Variants in CEP128 observed in about 807,000 individuals in gnomAD.
CEP128 encodes the protein centrosomal protein 128.
Under a neutral mutation model 156.7 loss-of-function variants are expected in CEP128, and 132 were observed. The ratio of observed to expected loss-of-function variants is 0.84; its 90% CI spans 0.73 to 0.97. The LOEUF (loss-of-function observed/expected upper bound fraction) is 0.97. Among genes scored for constraint, CEP128 ranks in the 50% least tolerant of loss-of-function variants. The pLI, the probability that CEP128 is intolerant of heterozygous loss-of-function variation, is 0.00. For synonymous variants in CEP128, 469 were observed against 448.9 expected (o/e 1.04, Z -0.57); for missense variants, 1,252 against 1,281.9 (o/e 0.98, Z 0.36).
intron 19 of CEP128, among the ~76,000 whole-genome samples, chr14:80,695,624 G>C (rs1032943415): frequency 1.3e-5 from 2 of 151,710 alleles, no homozygotes; most frequent in African/African-American, 4.9e-5. Flanking sequence ...GGCTGAGGCA[G>C]GAGAATCGCT....
At chr14:80,486,499 G>C (rs575917281), downstream of CEP128, among the ~76,000 whole-genome samples, 859 of 151,788 alleles carry the variant, frequency 5.7e-3, 10 homozygotes, top group African/African-American at 0.02. Context: ...CCAACATTCA[G>C]ATTCAGGAAA....
At chr14:80,496,377 T>A (rs1887495540), downstream of CEP128, 2 of 152,590 alleles carry the variant, frequency 1.3e-5, no homozygotes, top group Admixed American at 1.3e-4. Context: ...TTCAGTACCA[T>A]CAAATATGGT....
intron 21 of CEP128, among the ~76,000 whole-genome samples, chr14:80,548,149 A>T (rs556758822): frequency 1.8e-3 from 273 of 152,238 alleles, no homozygotes; most frequent in African/African-American, 5.9e-3. Context: ...CATGAAAAAA[A>T]AATAATAATA....
At chr14:80,694,056 A>C (rs2139323235) in intron 19 of CEP128, among the ~76,000 whole-genome samples, 1 of 152,302 alleles carries the variant, frequency 6.6e-6, no homozygotes, top group Admixed American at 6.5e-5. Context: ...ACTTCATCCA[A>C]ATTTACAAGA....
intron 8 of CEP128, among the ~76,000 whole-genome samples, chr14:80,873,207 A>G (rs1888114139): frequency 6.6e-6 from 1 of 152,222 alleles, no homozygotes. Context: ...AATTACACCA[A>G]TGAGCTGGGC....
At chr14:80,687,887 G>GT (rs1359199962) in intron 19 of CEP128, among the ~76,000 whole-genome samples, 5 of 151,994 alleles carry the variant, frequency 3.3e-5, no homozygotes, top group Non-Finnish European at 7.4e-5. Context: ...ACATAAAAAC[G>GT]TATTAGATTT....
At chr14:80,625,720 C>T (rs1893685288) in intron 19 of CEP128, among the ~76,000 whole-genome samples, 1 of 151,094 alleles carries the variant, frequency 6.6e-6, no homozygotes, top group African/African-American at 2.4e-5. Flanking sequence ...CCTCTCCTTC[C>T]CCTTCCCCTT....
rs761853727 is a variant in CEP128 at position 80,792,962 on chromosome 14, T to A, written c.1358A>T (p.Asp453Val). The stretch of plus-strand genomic sequence containing the variant: ...GTACCGCTCAGCCTGCTTGGTTGCA[T>A]CCTCCGCATGGCGAGTCAGCTCTGA... ...QISELTRHAE[D>V]ATKQAERYLS... The change falls in exon 14 of 25, where the codon GAT becomes GTT. Residue 453 changes from aspartate (D) to valine (V), a missense_variant. Transcript: ENST00000555265. 6.2e-7 allele frequency: 1 copy of A among 1,614,184 alleles called. No homozygotes were observed. The highest frequency in any genetic ancestry group is 1.1e-5 in the South Asian group (1 of 91,088).
chr14:80,906,782 C>T (rs1049670481), intron 4 of CEP128, among the ~76,000 whole-genome samples: 1 of 151,964 alleles, frequency 6.6e-6, no homozygotes, highest in African/African-American at 2.4e-5. Context: ...GAGCTGTACA[C>T]AACTATAGGC....
intron 13 of CEP128, among the ~76,000 whole-genome samples, chr14:80,814,749 G>A (rs2139964518): frequency 6.6e-6 from 1 of 152,166 alleles, no homozygotes. Flanking sequence ...ACAGACAAAT[G>A]GGACTTAATT....
chr14:80,744,138 G>A (rs1595334527), intron 18 of CEP128, among the ~76,000 whole-genome samples: 1 of 152,070 alleles, frequency 6.6e-6, no homozygotes, highest in Non-Finnish European at 1.5e-5. Context: ...GCCTCCCGAA[G>A]TACTAGAACT....
chr14:80,656,308 T>TAGC (rs1895157414), intron 19 of CEP128, among the ~76,000 whole-genome samples: 1 of 13,346 alleles, frequency 7.5e-5, no homozygotes, highest in Non-Finnish European at 1.5e-4. Context: ...TATATATATA[T>TAGC]ATATATATAT....
chr14:80,547,120 G>T (rs1890017511), intron 21 of CEP128, among the ~76,000 whole-genome samples: 1 of 152,092 alleles, frequency 6.6e-6, no homozygotes, highest in Admixed American at 6.5e-5. Context: ...CACTGACAAA[G>T]CTCAAGATAG....
At chr14:80,790,610 A>G (rs10498551) in intron 14 of CEP128, among the ~76,000 whole-genome samples, 18,218 of 151,850 alleles carry the variant, frequency 0.12, 1,565 homozygotes, top group East Asian at 0.45. Flanking sequence ...ACGCGATTTG[A>G]TATTACACAT....
chr14:80,705,270 CT>C (rs1348522805), intron 19 of CEP128, among the ~76,000 whole-genome samples: 9 of 151,242 alleles, frequency 6.0e-5, no homozygotes, highest in Non-Finnish European at 1.5e-5. Context: ...CCTCTAGCTC[CT>C]TTTATTCCAC....
At chr14:80,686,251 A>G (rs1896519261) in intron 19 of CEP128, among the ~76,000 whole-genome samples, 1 of 152,114 alleles carries the variant, frequency 6.6e-6, no homozygotes, top group African/African-American at 2.4e-5. Flanking sequence ...AAACCCCACA[A>G]GCAAAAAGAG....
intron 1 of CEP128, among the ~76,000 whole-genome samples, chr14:80,941,124 G>A (rs1379437768): frequency 6.6e-6 from 1 of 152,126 alleles, no homozygotes; most frequent in African/African-American, 2.4e-5. Context: ...GGAAAGAGAG[G>A]TCACTAATAA....
chr14:80,957,152 G>C lies in CEP128; in HGVS notation c.-172+1026C>G, dbSNP rs370479117. On this transcript the variant is annotated intron_variant, in intron 2 of 7. Coordinates refer to the CEP128 transcript ENST00000555529. The stretch of plus-strand genomic sequence containing the variant: ...GCCCTTGCCTTTCTTCCCACTTTCT[G>C]GCCCCTCTGCCTGAAGCACATTTCA... Among the ~76,000 whole-genome samples, 371 of 152,086 alleles carry C rather than the reference G, an allele frequency of 2.4e-3. 4 individuals are homozygous for C. The highest frequency in any genetic ancestry group is 8.4e-3 in the African/African-American group (349 of 41,460).
intron 19 of CEP128, among the ~76,000 whole-genome samples, chr14:80,624,196 T>C (rs1233685835): frequency 6.6e-6 from 1 of 152,186 alleles, no homozygotes; most frequent in African/African-American, 2.4e-5. Flanking sequence ...TGTGCTTGAC[T>C]TACTTCACTT....
Sources: gnomAD v4.1 joint callset for allele counts (sites outside exome capture counted in the v4.1 genomes callset) on GRCh38, gnomAD v4.1.1 for gene constraint, MANE v1.5 for transcripts, NCBI Gene and HGNC (gene_info 2026-07-23, HGNC 2026-07-21) for gene names.